DCDC1: variants seen among roughly 807,000 people sequenced by gnomAD.
The protein encoded by DCDC1 is doublecortin domain-containing protein 1.
DCDC1 carries 200 observed loss-of-function variants against 178.3 expected under a neutral mutation model. The ratio of observed to expected loss-of-function variants is 1.12; its 90% CI spans 1.00 to 1.26. The LOEUF (loss-of-function observed/expected upper bound fraction) is 1.26. DCDC1 is among the 50% of genes most tolerant of loss of function. The pLI is 0.00. For missense variants in DCDC1, 1,983 were observed against 1,749.2 expected, an observed-to-expected ratio of 1.13 and a Z score of -2.38; for synonymous variants, 690 against 604.8, an observed-to-expected ratio of 1.14 and a Z score of -2.07.
chr11:31,014,018 A>G (rs978461613), intron 20 of DCDC1, among the ~76,000 whole-genome samples: 9 of 152,162 alleles, frequency 5.9e-5, no homozygotes, highest in African/African-American at 2.2e-4. Flanking sequence ...TCCCTCCTAG[A>G]CTGAATTGTG....
At chr11:31,217,134 G>A (rs186940313) in intron 9 of DCDC1, among the ~76,000 whole-genome samples, 21 of 152,018 alleles carry the variant, frequency 1.4e-4, no homozygotes, top group Admixed American at 1.2e-3. Flanking sequence ...AGAAAAGGGA[G>A]GTAAGAGGCA....
chr11:31,079,216 T>G (rs1795683544), intron 17 of DCDC1, among the ~76,000 whole-genome samples: 1 of 152,128 alleles, frequency 6.6e-6, no homozygotes, highest in Admixed American at 6.5e-5. Flanking sequence ...TAATCAATCA[T>G]GCCTCCATAA....
At chr11:31,302,216 A>C (rs1948161278) in intron 6 of DCDC1, among the ~76,000 whole-genome samples, 1 of 152,188 alleles carries the variant, frequency 6.6e-6, no homozygotes, top group Admixed American at 6.5e-5. Context: ...ATCACAGGGC[A>C]CGAACCATTT....
chr11:30,898,805 T>C (rs1037935306), intron 34 of DCDC1, among the ~76,000 whole-genome samples: 3 of 152,232 alleles, frequency 2.0e-5, no homozygotes, highest in African/African-American at 7.2e-5. Context: ...AAGATTCATA[T>C]GCTTTTAACA....
chr11:31,360,354 A>G (rs1951643859), intron 1 of DCDC1, among the ~76,000 whole-genome samples: 1 of 152,196 alleles, frequency 6.6e-6, no homozygotes, highest in African/African-American at 2.4e-5. Context: ...CCAAAAGTCA[A>G]GTACAGTATT....
intron 11 of DCDC1, among the ~76,000 whole-genome samples, chr11:31,120,594 G>T (rs1173307788): frequency 1.3e-5 from 2 of 152,100 alleles, no homozygotes; most frequent in Non-Finnish European, 2.9e-5. Context: ...CAAGCTCTAG[G>T]TCCCACAGAA....
At position 30,915,507 on chromosome 11, in the gene DCDC1, T is replaced by G; in HGVS notation, c.3653+4A>C. 1.2e-6 allele frequency: 2 copies of G among 1,613,866 alleles called. No individual in the cohort carries two copies. The highest frequency in any genetic ancestry group is 1.7e-6 in the Non-Finnish European group (2 of 1,179,816). On this transcript the variant is annotated splice_donor_region_variant and intron_variant, in intron 27 of 38. Coordinates refer to ENST00000684477, the MANE Select transcript of DCDC1 (RefSeq NM_001387274.1). ...TATAGTAAACCCAAATATAATGGGA[T>G]TACCTGCTGTCTTCCTGGTGTATCC...
intron 20 of DCDC1, among the ~76,000 whole-genome samples, chr11:31,001,309 TG>T (rs1951563812): frequency 6.6e-6 from 1 of 152,108 alleles, no homozygotes; most frequent in Non-Finnish European, 1.5e-5. Context: ...AAAGTTATTT[TG>T]CCATGAAAGC....
At chr11:31,190,865 T>A (rs1288660338) in intron 9 of DCDC1, among the ~76,000 whole-genome samples, 1 of 152,146 alleles carries the variant, frequency 6.6e-6, no homozygotes, top group Non-Finnish European at 1.5e-5. Context: ...TTAGACCATT[T>A]TTCTACTTTC....
At chr11:31,252,272 A>C (rs2136994984) in intron 8 of DCDC1, among the ~76,000 whole-genome samples, 1 of 152,312 alleles carries the variant, frequency 6.6e-6, no homozygotes, top group South Asian at 2.1e-4. Flanking sequence ...TGACAGATTA[A>C]ATATCTGAAA....
chr11:31,367,875 T>C (rs1952043775), intron 1 of DCDC1, among the ~76,000 whole-genome samples: 1 of 152,214 alleles, frequency 6.6e-6, no homozygotes, highest in Non-Finnish European at 1.5e-5. Context: ...TATTTTGGTA[T>C]AAGCAGAGTG....
In DCDC1 at chr11:31,059,531, G is replaced by A. The variant is rs1385605663; in HGVS notation, c.2591+4938C>T. 7.2e-5 allele frequency among the ~76,000 whole-genome samples: 11 copies of A among 151,790 alleles called. 1 individual carries two copies. The highest frequency in any genetic ancestry group is 5.3e-4 in the Admixed American group (8 of 15,230). ...AAGAAAAGTAATGTAATAAAGCCTG[G>A]GATTTTATTCCTAGAAAGTATAGTT... On this transcript the variant is annotated intron_variant, in intron 20 of 38. Coordinates refer to ENST00000684477, the MANE Select transcript of DCDC1 (RefSeq NM_001387274.1).
intron 9 of DCDC1, among the ~76,000 whole-genome samples, chr11:31,168,474 C>G (rs1295827635): frequency 6.6e-6 from 1 of 152,168 alleles, no homozygotes; most frequent in African/African-American, 2.4e-5. Context: ...TTTTCTAGCT[C>G]TCTGGTATAT....
intron 4 of DCDC1, among the ~76,000 whole-genome samples, chr11:31,306,924 T>C (rs1948500220): frequency 6.6e-6 from 1 of 152,054 alleles, no homozygotes; most frequent in Non-Finnish European, 1.5e-5. Flanking sequence ...TGTTCGGAAG[T>C]GGTAACGGTG....
intron 6 of DCDC1, among the ~76,000 whole-genome samples, chr11:31,304,547 C>G (rs1032934218): frequency 2.0e-5 from 3 of 152,006 alleles, no homozygotes; most frequent in African/African-American, 7.2e-5. Context: ...CTTAAATTTT[C>G]TATTGAATTC....
chr11:31,078,502 TTAAA>T (rs1956993747), intron 17 of DCDC1, among the ~76,000 whole-genome samples: 1 of 152,144 alleles, frequency 6.6e-6, no homozygotes, highest in Non-Finnish European at 1.5e-5. Flanking sequence ...CAAAAATGAA[TTAAA>T]TTAAGTGTAA....
intron 20 of DCDC1, among the ~76,000 whole-genome samples, chr11:31,058,434 A>G (rs1173749752): frequency 6.6e-6 from 1 of 152,204 alleles, no homozygotes; most frequent in Non-Finnish European, 1.5e-5. Context: ...GGCAATTCAG[A>G]CAGTAAATAT....
intron 21 of DCDC1, among the ~76,000 whole-genome samples, chr11:30,945,875 T>C (rs752448856): frequency 6.6e-6 from 1 of 152,110 alleles, no homozygotes; most frequent in African/African-American, 2.4e-5. Context: ...TCACCACCCA[T>C]CCATTAGGTG....
At chr11:31,337,982 C>A (rs540191335) in intron 1 of DCDC1, among the ~76,000 whole-genome samples, 3 of 152,226 alleles carry the variant, frequency 2.0e-5, no homozygotes, top group Non-Finnish European at 4.4e-5. Flanking sequence ...CTCATGCCCA[C>A]ATTTGTATCA....
Sources: allele counts gnomAD v4.1 joint callset (sites outside exome capture counted in the v4.1 genomes callset), GRCh38; gene constraint gnomAD v4.1.1; transcripts MANE v1.5; gene names NCBI Gene and HGNC (gene_info 2026-07-23, HGNC 2026-07-21).